The following GBE1 variants were observed in gnomAD, a reference collection of about 807,000 sequenced individuals.
GBE1 encodes 1,4-alpha-glucan branching enzyme 1.
Under a neutral mutation model 88.8 loss-of-function variants are expected in GBE1, and 70 were observed. The observed-to-expected ratio is 0.79, with a 90% CI of 0.65 to 0.96. GBE1 has a LOEUF of 0.96. Ranked by LOEUF, GBE1 falls within the 40% of genes least tolerant of loss-of-function variation. The probability of loss-of-function intolerance (pLI) is 0.00; values close to 1 mark genes in which losing one functional copy is unlikely to be tolerated. For missense variants in GBE1, 872 were observed against 871.0 expected (o/e 1.00, Z -0.01); for synonymous variants, 284 against 300.1 (o/e 0.95, Z 0.56).
chr3:81,742,380 T>C (rs1221030672), intron 1 of GBE1, among the ~76,000 whole-genome samples: 1 of 152,104 alleles, frequency 6.6e-6, no homozygotes, highest in East Asian at 1.9e-4. Context: ...GGTGGACAAT[T>C]AAAATTCTAT....
intron 14 of GBE1, among the ~76,000 whole-genome samples, chr3:81,514,665 C>T (rs1466066030): frequency 1.3e-5 from 2 of 151,484 alleles, no homozygotes; most frequent in Non-Finnish European, 1.5e-5. Context: ...TGCTTAGGAG[C>T]CCGTAGGTAA....
intron 12 of GBE1, among the ~76,000 whole-genome samples, chr3:81,537,779 C>T (rs1703096723): frequency 6.6e-6 from 1 of 151,868 alleles, no homozygotes; most frequent in Non-Finnish European, 1.5e-5. Context: ...AGAGTGTGTA[C>T]CTTTCATTTC....
At chr3:81,548,769 G>T (rs1703238527) in intron 12 of GBE1, among the ~76,000 whole-genome samples, 1 of 150,708 alleles carries the variant, frequency 6.6e-6, no homozygotes, top group Non-Finnish European at 1.5e-5. Flanking sequence ...CTCTCATGGA[G>T]AGCTGAAATG....
intron 1 of GBE1, among the ~76,000 whole-genome samples, chr3:81,750,655 A>ACGTG (rs1706510229): frequency 1.8e-5 from 1 of 54,676 alleles, no homozygotes; most frequent in African/African-American, 1.4e-4. Context: ...GTATATATAT[A>ACGTG]TATGTATATA....
At chr3:81,492,746 CTT>C (rs201262203) in intron 15 of GBE1, among the ~76,000 whole-genome samples, 1 of 135,410 alleles carries the variant, frequency 7.4e-6, no homozygotes, top group African/African-American at 2.8e-5. Context: ...TTCTTTCTTT[CTT>C]TTTTTTTTTA....
At chr3:81,669,784 T>A (rs1451004004) in intron 3 of GBE1, among the ~76,000 whole-genome samples, 1 of 152,182 alleles carries the variant, frequency 6.6e-6, no homozygotes, top group Non-Finnish European at 1.5e-5. Flanking sequence ...TTGACTGCCA[T>A]CTCTTGCTAA....
At chr3:81,748,518 G>A (rs950214579) in intron 1 of GBE1, among the ~76,000 whole-genome samples, 1 of 152,010 alleles carries the variant, frequency 6.6e-6, no homozygotes, top group Non-Finnish European at 1.5e-5. Flanking sequence ...GACTGGGGCA[G>A]GAGAATGGCG....
chr3:81,743,479 C>T (rs1472630022), intron 1 of GBE1: 3 of 958,912 alleles, frequency 3.1e-6, no homozygotes, highest in Non-Finnish European at 4.8e-6. Flanking sequence ...TAAGTTTTAA[C>T]AGAGAATCAA....
chr3:81,581,250 T>C lies in GBE1; in HGVS notation c.1361A>G (p.Asp454Gly). ...IQLLKEFKDE[D>G]WNMGDIVYTL... is the part of the protein sequence containing the mutation. ...GTATACTATATCGCCCATGTTCCAG[T>C]CTTCATCTTTAAACTCTTTAAGTAG... The change falls in exon 11 of 16, where the codon GAC becomes GGC. Residue 454 changes from aspartate to glycine, a missense_variant. Coordinates refer to ENST00000429644, the MANE Select transcript of GBE1 (RefSeq NM_000158.4). The C allele has an allele frequency of 1.3e-6, 2 of 1,597,056 alleles. No homozygotes were observed. The highest frequency in any genetic ancestry group is 8.5e-7 in the Non-Finnish European group (1 of 1,173,406).
intron 14 of GBE1, among the ~76,000 whole-genome samples, chr3:81,531,746 A>C (rs902589466): frequency 2.0e-5 from 3 of 151,904 alleles, no homozygotes; most frequent in Non-Finnish European, 4.4e-5. Flanking sequence ...TTTCTTGTGT[A>C]CCCCATGTCC....
intron 1 of GBE1, among the ~76,000 whole-genome samples, chr3:81,725,779 T>G (rs1706103043): frequency 6.6e-6 from 1 of 152,206 alleles, no homozygotes. Flanking sequence ...CATTATAATC[T>G]TATGGAACCA....
At chr3:81,760,994 C>T (rs1469273564) in intron 1 of GBE1, among the ~76,000 whole-genome samples, 1 of 152,278 alleles carries the variant, frequency 6.6e-6, no homozygotes, top group Admixed American at 6.5e-5. Flanking sequence ...GCCCACGTTA[C>T]TCCACAGGCC....
At chr3:81,728,875 A>C (rs1252375457) in intron 1 of GBE1, among the ~76,000 whole-genome samples, 1 of 151,894 alleles carries the variant, frequency 6.6e-6, no homozygotes, top group Non-Finnish European at 1.5e-5. Flanking sequence ...TCTATCAAGT[A>C]TCGTCCATCT....
intron 1 of GBE1, among the ~76,000 whole-genome samples, chr3:81,751,975 A>G (rs1036304590): frequency 1.3e-5 from 2 of 152,120 alleles, no homozygotes; most frequent in Non-Finnish European, 2.9e-5. Flanking sequence ...TATTTGGAAA[A>G]CTTCAACTTT....
At chr3:81,760,229 T>G (rs1394099705) in intron 1 of GBE1, among the ~76,000 whole-genome samples, 1 of 152,226 alleles carries the variant, frequency 6.6e-6, no homozygotes. Context: ...AGCTCAAGAA[T>G]GAAACTTCAC....
chr3:81,737,367 TTATA>T (rs1280835161), intron 1 of GBE1, among the ~76,000 whole-genome samples: 1 of 30,210 alleles, frequency 3.3e-5, no homozygotes, highest in Admixed American at 2.9e-4. Flanking sequence ...ATTTATATAT[TTATA>T]TATATTTTTA....
At position 81,525,601 on chromosome 3, in the gene GBE1, T is replaced by G. The variant is rs1203457564; in HGVS notation, c.1934+9594A>C. Among the ~76,000 whole-genome samples the G allele has an allele frequency of 3.3e-5, 5 of 152,152 alleles. No individual in the cohort carries two copies. In the East Asian group the frequency reaches 9.7e-4, roughly 30 times the overall value. On this transcript the variant is annotated intron_variant, in intron 14 of 15. Transcript: ENST00000429644. Reference sequence around the variant, plus strand: ...GTTATTGATTGGAATAGTTTCAGAATGAATGGTACCAGCTTGTCCTTGTAC... The same window carrying G: ...GTTATTGATTGGAATAGTTTCAGAAGGAATGGTACCAGCTTGTCCTTGTAC...
intron 1 of GBE1, among the ~76,000 whole-genome samples, chr3:81,712,438 C>T (rs1705881478): frequency 6.6e-6 from 1 of 152,072 alleles, no homozygotes; most frequent in Non-Finnish European, 1.5e-5. Context: ...GAAAATATGG[C>T]ACATATACAC....
At chr3:81,655,180 C>T (rs1704915575) in intron 3 of GBE1, among the ~76,000 whole-genome samples, 1 of 151,964 alleles carries the variant, frequency 6.6e-6, no homozygotes, top group South Asian at 2.1e-4. Flanking sequence ...AAGACTGAAA[C>T]ACACACACAG....
Sources: allele counts gnomAD v4.1 joint callset (sites outside exome capture counted in the v4.1 genomes callset), GRCh38; gene constraint gnomAD v4.1.1; transcripts MANE v1.5; gene names NCBI Gene and HGNC (gene_info 2026-07-23, HGNC 2026-07-21).